The following MED19 variants were observed in gnomAD, a reference collection of about 807,000 sequenced individuals.
MED19 encodes mediator complex subunit 19.
In MED19, 4 loss-of-function variants were observed where a neutral mutation model predicts 19.9. The ratio of observed to expected loss-of-function variants is 0.20; its 90% CI spans 0.10 to 0.46. The LOEUF is 0.46. Among genes scored for constraint, MED19 ranks in the 20% least tolerant of loss-of-function variants. The pLI is 0.99. For missense variants in MED19, 303 were observed against 318.7 expected (o/e 0.95, Z 0.38); for synonymous variants, 139 against 119.6 (o/e 1.16, Z -1.06).
intron 1 of MED19, among the ~76,000 whole-genome samples, chr11:57,708,207 C>T (rs1946529367): frequency 6.6e-6 from 1 of 152,146 alleles, no homozygotes; most frequent in Admixed American, 6.5e-5. Flanking sequence ...TATTTCAATC[C>T]ATGGCACCCA....
intron 1 of MED19, among the ~76,000 whole-genome samples, chr11:57,708,791 C>G (rs1946533765): frequency 6.6e-6 from 1 of 152,110 alleles, no homozygotes; most frequent in Admixed American, 6.6e-5. Flanking sequence ...CAATATCTGT[C>G]AACTGACTGA....
chr11:57,712,149 G>C, exon 1 of MED19: 1 of 1,533,608 alleles, frequency 6.5e-7, no homozygotes, highest in Non-Finnish European at 8.8e-7. Context: ...GGGTCAGCCT[G>C]AGCCCCAAAC....
chr11:57,711,800 T>C (rs951446060), intron 1 of MED19, among the ~76,000 whole-genome samples, 163 bp downstream of exon 1: 16 of 152,120 alleles, frequency 1.1e-4, no homozygotes, highest in Admixed American at 6.5e-4. Context: ...ATTCAAGTCA[T>C]CCCTCTGCTT....
chr11:57,709,157 G>A (rs960849505), intron 1 of MED19, among the ~76,000 whole-genome samples: 25 of 152,154 alleles, frequency 1.6e-4, no homozygotes, highest in African/African-American at 4.6e-4. Flanking sequence ...CAAGGTGGGC[G>A]GATCACCTGA....
chr11:57,707,237 C>T (rs1022360066), intron 1 of MED19, among the ~76,000 whole-genome samples: 4 of 151,686 alleles, frequency 2.6e-5, no homozygotes, highest in African/African-American at 9.7e-5. Flanking sequence ...ATGCAAGGCA[C>T]TATCCATATA....
At position 57,704,474 on chromosome 11, in the gene MED19, A is replaced by C. The variant is rs1400037680; in HGVS notation, c.572-78T>G. 3 of 1,545,972 alleles carry C rather than the reference A, an allele frequency of 1.9e-6. No homozygotes were observed. In the African/African-American group the frequency reaches 4.2e-5, roughly 21 times the overall value. ...TTATGAACCACTGAAGACTACAGGA[A>C]AATCCCAAGTCGGGGCAACTGCTTT... is the stretch of plus-strand genomic sequence containing the variant. On this transcript the variant is annotated intron_variant, in intron 3 of 4. Coordinates refer to ENST00000431606, the Ensembl canonical transcript of MED19.
chr11:57,707,049 T>C (rs1263367353), intron 1 of MED19, among the ~76,000 whole-genome samples: 1 of 151,924 alleles, frequency 6.6e-6, no homozygotes, highest in Non-Finnish European at 1.5e-5. Context: ...AATACAAAAA[T>C]TAGCTGGGTG....
chr11:57,711,827 C>T (rs755541577), intron 1 of MED19, 136 bp downstream of exon 1: 12 of 951,580 alleles, frequency 1.3e-5, no homozygotes, highest in African/African-American at 3.4e-5. Flanking sequence ...CCTAACAGCG[C>T]TTCCGACTTA....
intron 1 of MED19, among the ~76,000 whole-genome samples, chr11:57,707,611 G>A (rs879358253): frequency 7.2e-5 from 11 of 152,092 alleles, no homozygotes; most frequent in African/African-American, 1.2e-4. Flanking sequence ...TCAGAAGACT[G>A]AGCGAGGGTA....
At chr11:57,708,642 C>T (rs968434872) in intron 1 of MED19, among the ~76,000 whole-genome samples, 1 of 152,108 alleles carries the variant, frequency 6.6e-6, no homozygotes, top group African/African-American at 2.4e-5. Flanking sequence ...ATGGAGGTGA[C>T]AGGAAATATA....
Position 57,708,606 on chromosome 11 carries a change from G to A in MED19, c.217+3357C>T, listed in dbSNP as rs1166642774. On this transcript the variant is annotated intron_variant, in intron 1 of 4. Transcript: ENST00000431606. ...GATGGCTAAGATATTGTTAATTGCT[G>A]TTGTGAGGCATGAGCACAAAATGAG... 3.9e-5 allele frequency among the ~76,000 whole-genome samples: 6 copies of A among 152,262 alleles called. No homozygotes were observed. In the East Asian group the frequency reaches 9.6e-4, roughly 24 times the overall value.
At chr11:57,711,638 G>C (rs766630035) in intron 1 of MED19, among the ~76,000 whole-genome samples, 1 of 152,190 alleles carries the variant, frequency 6.6e-6, no homozygotes, top group Non-Finnish European at 1.5e-5. Context: ...ACAGGCGTGA[G>C]CCACCGCGCC....
At chr11:57,704,603 C>A (rs780449675) in intron 3 of MED19, 116 bp downstream of exon 3, 121 of 1,608,494 alleles carry the variant, frequency 7.5e-5, no homozygotes, top group Middle Eastern at 6.8e-4. Flanking sequence ...ATTTAGGAGT[C>A]CAGAGCTCCA....
intron 1 of MED19, among the ~76,000 whole-genome samples, chr11:57,706,781 G>A (rs1253180397): frequency 6.6e-6 from 1 of 152,058 alleles, no homozygotes; most frequent in Non-Finnish European, 1.5e-5. Context: ...AACAAGTCAG[G>A]CAACTAGAAT....
rs949678881 is a variant in MED19, at chr11:57,710,658, G to C, written c.217+1305C>G. Among the ~76,000 whole-genome samples, 8 of 151,546 alleles carry C rather than the reference G, an allele frequency of 5.3e-5. No homozygotes were observed. In the South Asian group the frequency reaches 6.2e-4, roughly 12 times the overall value. The stretch of plus-strand genomic sequence containing the variant: ...AGTTCAAATGTTAGCTATGTGAAGA[G>C]AGCATCTCTGGCCACTCTAGCTAAA... On this transcript the variant is annotated intron_variant, in intron 1 of 4. Transcript: ENST00000431606.
chr11:57,704,692 T>TTTTCTTTTTA, intron 3 of MED19, 27 bp downstream of exon 3: 1 of 1,580,396 alleles, frequency 6.3e-7, no homozygotes, highest in South Asian at 1.2e-5. Flanking sequence ...TTTTTTTTTT[T>TTTTCTTTTTA]TTGCTTTGAA....
chr11:57,709,777 T>G (rs889416988), intron 1 of MED19, among the ~76,000 whole-genome samples: 2 of 152,108 alleles, frequency 1.3e-5, no homozygotes, highest in Non-Finnish European at 2.9e-5. Context: ...CCCAGGCTGG[T>G]CTCAAACTTT....
chr11:57,706,203 T>C (rs1615585), intron 1 of MED19, among the ~76,000 whole-genome samples: 133,804 of 152,102 alleles, frequency 0.88, 59,176 homozygotes, highest in East Asian at 0.97. Flanking sequence ...TGGAGTGCAG[T>C]GGGGTACGAT....
chr11:57,711,096 G>C (rs530204760), intron 1 of MED19, among the ~76,000 whole-genome samples: 1 of 152,348 alleles, frequency 6.6e-6, no homozygotes, highest in Admixed American at 6.5e-5. Flanking sequence ...AAAAAGGCAA[G>C]CATCTTGTCA....
Sources: allele counts gnomAD v4.1 joint callset (sites outside exome capture counted in the v4.1 genomes callset), GRCh38; gene constraint gnomAD v4.1.1; transcripts MANE v1.5; gene names NCBI Gene and HGNC (gene_info 2026-07-23, HGNC 2026-07-21).